TNKS2: variants seen among roughly 807,000 people sequenced by gnomAD.
TNKS2 encodes the protein tankyrase 2.
Under a neutral mutation model 137.6 loss-of-function variants are expected in TNKS2, and 72 were observed. That is an observed-to-expected ratio of 0.52 (90% confidence interval 0.43 to 0.64). The LOEUF is 0.64. TNKS2 is among the 30% of genes least tolerant of loss of function. The pLI, the probability that TNKS2 is intolerant of heterozygous loss-of-function variation, is 0.00. For synonymous variants in TNKS2, 516 were observed against 512.1 expected (o/e 1.01, Z -0.10); for missense variants, 1,049 against 1,410.2 (o/e 0.74, Z 4.10).
Position 91,836,980 on chromosome 10 carries a change from A to G in TNKS2, c.1509A>G (p.Gly503=), listed in dbSNP as rs1322828833. The G allele has an allele frequency of 1.2e-6, 2 of 1,613,412 alleles. No individual in the cohort carries two copies. The highest frequency in any genetic ancestry group is 2.7e-5 in the African/African-American group (2 of 75,036). The part of the protein sequence containing the change: ...DRQLLEAAKA[G]DVETVKKLCT... ...AATTGCTGGAAGCTGCAAAGGCTGG[A>G]GATGTCGAAACTGTAAAAGTAAGAT... is the stretch of plus-strand genomic sequence containing the variant. The change falls in exon 13 of 27, where the codon GGA becomes GGG. Residue 503 remains glycine, a synonymous_variant. Coordinates refer to ENST00000371627, the MANE Select transcript of TNKS2 (RefSeq NM_025235.4).
At chr10:91,805,793 C>G (rs1334214197) in intron 1 of TNKS2, among the ~76,000 whole-genome samples, 1 of 152,136 alleles carries the variant, frequency 6.6e-6, no homozygotes, top group African/African-American at 2.4e-5. Context: ...TATTTTGATT[C>G]TTTTTCTCTT....
In TNKS2 at chr10:91,809,952, A is replaced by G. The variant is rs115228120; in HGVS notation, c.200-3031A>G. On this transcript the variant is annotated intron_variant, in intron 1 of 26. Coordinates refer to ENST00000371627, the MANE Select transcript of TNKS2 (RefSeq NM_025235.4). The stretch of plus-strand genomic sequence containing the variant: ...TCTTTTGGGTCTTTGTGAGGGGAAG[A>G]AGGAGGATTCAACCAGAATAGTTTT... 9.0e-3 allele frequency among the ~76,000 whole-genome samples: 1,373 copies of G among 152,310 alleles called. 7 individuals are homozygous for G. The highest frequency in any genetic ancestry group is 0.024 in the Middle Eastern group (7 of 294).
chr10:91,853,433 A>G (rs920322886), intron 21 of TNKS2, among the ~76,000 whole-genome samples: 1 of 152,202 alleles, frequency 6.6e-6, no homozygotes, highest in Non-Finnish European at 1.5e-5. Flanking sequence ...ATGTTCATTC[A>G]AAGCCAATAC....
At position 91,798,582 on chromosome 10, in the gene TNKS2, C is replaced by T. The variant is rs542812074; in HGVS notation, c.-109C>T. On this transcript the variant is annotated 5_prime_UTR_variant, in exon 1 of 27. Transcript: ENST00000371627. ...CGGTGACAGCAGGGAGCCAAGCGGC[C>T]CGGGCCCTGAGCGCGTCTTCTCCGG... 6 of 1,169,910 alleles carry T rather than the reference C, an allele frequency of 5.1e-6. No individual in the cohort carries two copies. In the African/African-American group the frequency reaches 9.6e-5, roughly 19 times the overall value. The allele number at this position is 1,169,910 out of a possible 1,614,324, so 72.5% of individuals were successfully genotyped here. A position where few individuals can be genotyped will look rare whatever the true frequency, so the allele number is the denominator to read the frequency against.
chr10:91,846,978 G>T (rs1842394265), intron 18 of TNKS2, among the ~76,000 whole-genome samples: 1 of 152,188 alleles, frequency 6.6e-6, no homozygotes, highest in Admixed American at 6.5e-5. Flanking sequence ...ACAATCTTAT[G>T]AACTGCCTAA....
chr10:91,822,198 A>G, intron 6 of TNKS2, 98 bp from the exon 7 acceptor site: 1 of 922,352 alleles, frequency 1.1e-6, no homozygotes, highest in Non-Finnish European at 1.6e-6. Context: ...TCCATTTGCT[A>G]TTTAAGTATA....
Position 91,825,884 on chromosome 10 carries a change from A to G in TNKS2, c.796-1133A>G, listed in dbSNP as rs1205267994. Among the ~76,000 whole-genome samples, 7 of 152,378 alleles carry G rather than the reference A, an allele frequency of 4.6e-5. No individual in the cohort carries two copies. The South Asian group carries it at 1.4e-3, about 32-fold the overall frequency. On this transcript the variant is annotated intron_variant, in intron 7 of 26. Transcript: ENST00000371627. ...TCAAATGTTGCTGGTGGCTGGCTGC[A>G]TAAAGTGCGATAGCCACATTAGAAG...
At position 91,865,337 on chromosome 10, in the gene TNKS2, A is replaced by G. The variant is rs544273231; in HGVS notation, c.*2338A>G. On this transcript the variant is annotated 3_prime_UTR_variant, in exon 27 of 27. Transcript: ENST00000371627. ...AATGTGTTGAATGGTCTTTGAGAAAATGAATTAAGATTACAATAAACCACA... is the reference window on the plus strand; with the variant it reads ...AATGTGTTGAATGGTCTTTGAGAAAGTGAATTAAGATTACAATAAACCACA... 2 of 152,762 alleles carry G rather than the reference A, an allele frequency of 1.3e-5. No homozygotes were observed. The highest frequency in any genetic ancestry group is 3.9e-4 in the East Asian group (2 of 5,188). 9.5% of individuals were successfully genotyped at this position (152,762 alleles called of 1,614,324 possible).
At chr10:91,816,963 T>C (rs949736790) in intron 2 of TNKS2, among the ~76,000 whole-genome samples, 171 bp from the exon 3 acceptor site, 2 of 152,210 alleles carry the variant, frequency 1.3e-5, no homozygotes, top group Non-Finnish European at 2.9e-5. Flanking sequence ...AATAGAATAC[T>C]TTATGTATTA....
chr10:91,861,657 A>G (rs1262912331), intron 25 of TNKS2, among the ~76,000 whole-genome samples: 1 of 152,188 alleles, frequency 6.6e-6, no homozygotes, highest in African/African-American at 2.4e-5. Flanking sequence ...CAACTTTGCA[A>G]GCCACTTAAT....
In TNKS2 at chr10:91,813,116, G is replaced by A. The variant is rs1844562159; in HGVS notation, c.333G>A (p.Leu111=). ...ATGCTGAAGTAGTCAATCTCCTTTT[G>A]CGACATGGTGCAGACCCCAATGCTC... The part of the protein sequence containing the change: ...FGHAEVVNLL[L]RHGADPNARD... Residue 111 remains leucine (L), a synonymous_variant, in exon 2 of 27, where the codon TTG becomes TTA. Coordinates refer to ENST00000371627, the MANE Select transcript of TNKS2 (RefSeq NM_025235.4). 6.2e-7 allele frequency: 1 copy of A among 1,614,020 alleles called. No individual in the cohort carries two copies. The highest frequency in any genetic ancestry group is 8.5e-7 in the Non-Finnish European group (1 of 1,180,010).
At chr10:91,833,791 A>G in intron 11 of TNKS2, 62 bp from the exon 12 acceptor site, 2 of 1,333,858 alleles carry the variant, frequency 1.5e-6, no homozygotes, top group South Asian at 1.9e-5. Context: ...TGTTAAATAC[A>G]TGATTGTATG....
chr10:91,851,116 C>G (rs1479518522), intron 20 of TNKS2, 100 bp from the exon 21 acceptor site: 1 of 1,396,172 alleles, frequency 7.2e-7, no homozygotes, highest in African/African-American at 1.5e-5. Context: ...TTAAAATAAT[C>G]TGGAGTAAAT....
At chr10:91,812,125 C>T (rs1285358088) in intron 1 of TNKS2, among the ~76,000 whole-genome samples, 1 of 151,884 alleles carries the variant, frequency 6.6e-6, no homozygotes, top group Non-Finnish European at 1.5e-5. Flanking sequence ...TTTCTCTCTA[C>T]CCAAACACAT....
chr10:91,825,925 C>T (rs967624919), intron 7 of TNKS2, among the ~76,000 whole-genome samples: 7 of 152,166 alleles, frequency 4.6e-5, no homozygotes, highest in Non-Finnish European at 8.8e-5. Context: ...TTGACATTTT[C>T]TAATAAAGTT....
At chr10:91,847,282 GTACATAT>G (rs1324089287) in intron 18 of TNKS2, among the ~76,000 whole-genome samples, 1 of 152,132 alleles carries the variant, frequency 6.6e-6, no homozygotes, top group East Asian at 1.9e-4. Flanking sequence ...TGAAAGAAGA[GTACATAT>G]TACAAATTAA....
chr10:91,830,163 G>C (rs1046094550), intron 9 of TNKS2, among the ~76,000 whole-genome samples: 1 of 152,192 alleles, frequency 6.6e-6, no homozygotes, highest in African/African-American at 2.4e-5. Context: ...CAGCTGATCA[G>C]CTGTATCAGT....
At position 91,817,147 on chromosome 10, in the gene TNKS2, T is replaced by C; in HGVS notation, c.438T>C (p.His146=). ...GCTATTTTGCAGTGCTGTTACAGCA[T>C]GGAGCTGAGCCAACCATCCGAAATA... ...KIDVCIVLLQ[H]GAEPTIRNTD... is the part of the protein sequence containing the mutation. The change falls in exon 3 of 27, where the codon CAT becomes CAC. Residue 146 remains histidine (H), a synonymous_variant. Transcript: ENST00000371627. The C allele has an allele frequency of 2.5e-6, 4 of 1,613,430 alleles. No homozygotes were observed. Among genetic ancestry groups the C allele is most frequent in the South Asian group, 1.1e-5 (1 of 90,910 alleles).
chr10:91,801,922 C>CTTCTGTGAACTT (rs1844185416), intron 1 of TNKS2, among the ~76,000 whole-genome samples: 1 of 152,160 alleles, frequency 6.6e-6, no homozygotes, highest in South Asian at 2.1e-4. Flanking sequence ...GAAGACTCTG[C>CTTCTGTGAACTT]TTCTGTGAAC....
Sources: allele counts gnomAD v4.1 joint callset (sites outside exome capture counted in the v4.1 genomes callset), GRCh38; gene constraint gnomAD v4.1.1; transcripts MANE v1.5; gene names NCBI Gene and HGNC (gene_info 2026-07-23, HGNC 2026-07-21).